Variants in GNA14 observed in about 807,000 individuals in gnomAD.
GNA14 encodes guanine nucleotide-binding protein subunit alpha-14.
GNA14 carries 50 observed loss-of-function variants against 42.0 expected under a neutral mutation model. That is an observed-to-expected ratio of 1.19 (90% CI 0.95 to 1.51). GNA14 has a LOEUF of 1.51. GNA14 is among the 40% of genes most tolerant of loss of function. GNA14 has a pLI of 0.00. For synonymous variants in GNA14, 173 were observed against 163.1 expected (o/e 1.06, Z -0.46); for missense variants, 473 against 446.2 (o/e 1.06, Z -0.54).
intron 1 of GNA14, among the ~76,000 whole-genome samples, chr9:77,622,755 G>T (rs530464569): frequency 7.1e-6 from 1 of 140,160 alleles, no homozygotes; most frequent in East Asian, 2.1e-4. Flanking sequence ...ATAGCCAGGC[G>T]TGGTGGCGGG....
rs542255305 is a variant in GNA14 at position 77,636,801 on chromosome 9, C to T, written c.124+10869G>A. 3.9e-5 allele frequency among the ~76,000 whole-genome samples: 6 copies of T among 152,302 alleles called. No individual in the cohort carries two copies. The South Asian group carries it at 1.0e-3, about 26-fold the overall frequency. ...CTCGCAGCAGGTCCCACCTCCAACA[C>T]TGGGGATCAAATTTTCAACATGAGA... is the stretch of plus-strand genomic sequence containing the variant. On this transcript the variant is annotated intron_variant, in intron 1 of 6. Coordinates refer to ENST00000341700, the MANE Select transcript of GNA14 (RefSeq NM_004297.4).
chr9:77,504,788 C>T (rs1837040159), intron 2 of GNA14, among the ~76,000 whole-genome samples: 1 of 151,514 alleles, frequency 6.6e-6, no homozygotes. Flanking sequence ...CTGCCTCAGC[C>T]TCCTGAGTAG....
chr9:77,623,245 A>C (rs1823960590), intron 1 of GNA14, among the ~76,000 whole-genome samples: 2 of 145,730 alleles, frequency 1.4e-5, no homozygotes, highest in South Asian at 4.3e-4. Flanking sequence ...AAAAAAAAAA[A>C]AAAAAAAAGG....
At chr9:77,611,634 A>C (rs1823732871) in intron 1 of GNA14, among the ~76,000 whole-genome samples, 1 of 152,280 alleles carries the variant, frequency 6.6e-6, no homozygotes, top group South Asian at 2.1e-4. Flanking sequence ...AATAGCTTTA[A>C]ATCTCCTCCC....
intron 1 of GNA14, among the ~76,000 whole-genome samples, chr9:77,547,380 A>C (rs747249595): frequency 6.6e-6 from 1 of 152,254 alleles, no homozygotes; most frequent in Non-Finnish European, 1.5e-5. Context: ...AATTAAATAT[A>C]TAAAAAGGAA....
Position 77,503,726 on chromosome 9 carries a change from C to T in GNA14, c.309+25343G>A, listed in dbSNP as rs145630515. 3.4e-5 allele frequency among the ~76,000 whole-genome samples: 5 copies of T among 147,344 alleles called. No individual in the cohort carries two copies. The Admixed American group carries it at 3.4e-4, about 10-fold the overall frequency. On this transcript the variant is annotated intron_variant, in intron 2 of 6. Coordinates refer to ENST00000341700, the MANE Select transcript of GNA14 (RefSeq NM_004297.4). ...AGGCTGGAGTGCAGTGGTGTGATCT[C>T]GGCTCACTGCAGCCTCCACCCACCG...
intron 2 of GNA14, among the ~76,000 whole-genome samples, chr9:77,514,510 A>C (rs867435893): frequency 3.9e-5 from 6 of 152,188 alleles, no homozygotes; most frequent in Admixed American, 6.5e-5. Flanking sequence ...TGTAATACGA[A>C]GGATACTGGG....
At chr9:77,448,490 G>A (rs1835858358) in intron 2 of GNA14, among the ~76,000 whole-genome samples, 2 of 152,192 alleles carry the variant, frequency 1.3e-5, no homozygotes, top group African/African-American at 4.8e-5. Context: ...TAGCAGGCCA[G>A]GCTAAGCTAT....
At position 77,508,717 on chromosome 9, in the gene GNA14, C is replaced by T. The variant is rs79103265; in HGVS notation, c.309+20352G>A. Among the ~76,000 whole-genome samples, 7 of 152,272 alleles carry T rather than the reference C, an allele frequency of 4.6e-5. No homozygotes were observed. In the East Asian group the frequency reaches 9.7e-4, roughly 21 times the overall value. On this transcript the variant is annotated intron_variant, in intron 2 of 6. Transcript: ENST00000341700. ...ACAGTTCCCCTGTAGAAGAACCAGGCCTCCTTGGAGAAATGGCTGTGTCCA... is the reference window on the plus strand; with the variant it reads ...ACAGTTCCCCTGTAGAAGAACCAGGTCTCCTTGGAGAAATGGCTGTGTCCA...
At chr9:77,641,123 A>G (rs867076742) in intron 1 of GNA14, among the ~76,000 whole-genome samples, 2 of 48,034 alleles carry the variant, frequency 4.2e-5, no homozygotes, top group African/African-American at 3.1e-4. Context: ...GAAGGAAGGA[A>G]GGAAGGAAGG....
intron 1 of GNA14, among the ~76,000 whole-genome samples, chr9:77,633,632 TG>T (rs1824133441): frequency 1.3e-5 from 2 of 151,636 alleles, no homozygotes; most frequent in African/African-American, 4.9e-5. Context: ...CAGATAGAGA[TG>T]GGGGTGGCAG....
chr9:77,620,318 A>T (rs1823899915), intron 1 of GNA14, among the ~76,000 whole-genome samples: 2 of 152,188 alleles, frequency 1.3e-5, no homozygotes, highest in South Asian at 4.1e-4. Flanking sequence ...TATACCAAAG[A>T]TTTCTGGCAA....
At chr9:77,459,921 G>A (rs1293131586) in intron 2 of GNA14, among the ~76,000 whole-genome samples, 3 of 152,268 alleles carry the variant, frequency 2.0e-5, no homozygotes, top group Non-Finnish European at 4.4e-5. Flanking sequence ...CCGGGCAGAG[G>A]AGACTGGTTT....
chr9:77,431,505 A>G (rs535820388), intron 3 of GNA14, 56 bp from the exon 4 acceptor site: 2 of 1,523,526 alleles, frequency 1.3e-6, no homozygotes, highest in South Asian at 1.2e-5. Context: ...GGAAATGTCC[A>G]TCCTACTCAA....
chr9:77,540,024 A>G (rs1243399307), intron 1 of GNA14, among the ~76,000 whole-genome samples: 1 of 151,098 alleles, frequency 6.6e-6, no homozygotes, highest in Non-Finnish European at 1.5e-5. Flanking sequence ...CTTTCCTTTT[A>G]CTAATGTTGG....
At chr9:77,517,585 C>CTTTTATT (rs1564039528) in intron 2 of GNA14, 1 of 48,810 alleles carries the variant, frequency 2.0e-5, no homozygotes, top group Non-Finnish European at 4.1e-5. Flanking sequence ...TATCCTGGTA[C>CTTTTATT]TTTTCTTTTT....
intron 2 of GNA14, among the ~76,000 whole-genome samples, chr9:77,488,429 T>G (rs769124012): frequency 6.6e-6 from 1 of 152,156 alleles, no homozygotes; most frequent in Non-Finnish European, 1.5e-5. Flanking sequence ...TAAATATCAC[T>G]GAGGACAGCC....
Position 77,425,667 on chromosome 9 carries a change from G to A in GNA14, c.772C>T (p.Pro258Ser), listed in dbSNP as rs1433944378. The stretch of plus-strand genomic sequence containing the variant: ...ATCACAGACGAATTCAGAAACCAGG[G>A]GTAGGTGATGATGGTTTTAAATAAG... ...KALFKTIITY[P>S]WFLNSSVILF... Residue 258 changes from proline to serine, a missense_variant, in exon 6 of 7, where the codon CCC becomes TCC. Coordinates refer to ENST00000341700, the MANE Select transcript of GNA14 (RefSeq NM_004297.4). 1 of 1,609,112 alleles carries A rather than the reference G, an allele frequency of 6.2e-7. No homozygotes were observed.
intron 2 of GNA14, among the ~76,000 whole-genome samples, chr9:77,501,111 C>A (rs1836961317): frequency 6.6e-6 from 1 of 152,174 alleles, no homozygotes; most frequent in African/African-American, 2.4e-5. Context: ...TGCGCCACCA[C>A]ACTCAGCTAA....
Sources: allele counts gnomAD v4.1 joint callset (sites outside exome capture counted in the v4.1 genomes callset), GRCh38; gene constraint gnomAD v4.1.1; transcripts MANE v1.5; gene names NCBI Gene and HGNC (gene_info 2026-07-23, HGNC 2026-07-21).